The following GRID2 variants were observed in gnomAD, a reference collection of about 807,000 sequenced individuals.
The protein encoded by GRID2 is glutamate ionotropic receptor delta type subunit 2.
In GRID2, 33 loss-of-function variants were observed where a neutral mutation model predicts 114.8. The observed-to-expected ratio is 0.29, with a 90% confidence interval of 0.22 to 0.38. GRID2 has a LOEUF of 0.38. Ranked by LOEUF, GRID2 falls within the 10% of genes least tolerant of loss-of-function variation. The probability of loss-of-function intolerance (pLI) is 1.00; values close to 1 mark genes in which losing one functional copy is unlikely to be tolerated. For synonymous variants in GRID2, 505 were observed against 449.9 expected (o/e 1.12, Z -1.55); for missense variants, 1,184 against 1,257.7 (o/e 0.94, Z 0.89).
intron 2 of GRID2, among the ~76,000 whole-genome samples, chr4:92,645,329 T>C (rs748040897): frequency 2.0e-5 from 3 of 151,892 alleles, no homozygotes; most frequent in South Asian, 2.1e-4. Flanking sequence ...ATCACTGCAA[T>C]GGTGTTTAAC....
In GRID2 at chr4:92,409,450, G is replaced by C. The variant is rs555575985; in HGVS notation, c.88+104706G>C. ...TGTGGATAGAGTATTTCATTTTTAA[G>C]TATTTATTACTTTCTGATAGATTAT... On this transcript the variant is annotated intron_variant, in intron 1 of 15. Coordinates refer to ENST00000282020, the MANE Select transcript of GRID2 (RefSeq NM_001510.4). Among the ~76,000 whole-genome samples the C allele has an allele frequency of 1.1e-4, 17 of 152,192 alleles. No homozygotes were observed. The South Asian group carries it at 1.5e-3, about 13-fold the overall frequency.
At chr4:93,777,996 G>T (rs1471043441), downstream of GRID2, among the ~76,000 whole-genome samples, 17 of 152,168 alleles carry the variant, frequency 1.1e-4, no homozygotes, top group East Asian at 2.1e-3. Flanking sequence ...TATATGCAAA[G>T]ATAACCCATA....
chr4:93,235,337 C>G (rs1561022942), intron 7 of GRID2, among the ~76,000 whole-genome samples: 1 of 152,080 alleles, frequency 6.6e-6, no homozygotes, highest in African/African-American at 2.4e-5. Flanking sequence ...ATTCATACTA[C>G]CAATGTCCCA....
chr4:93,652,669 C>T (rs929679093), intron 14 of GRID2, among the ~76,000 whole-genome samples: 9 of 151,232 alleles, frequency 6.0e-5, no homozygotes, highest in African/African-American at 1.9e-4. Flanking sequence ...ACATCCTTGT[C>T]GTTAAGCAGC....
chr4:92,874,382 A>G (rs1046729301), intron 2 of GRID2, among the ~76,000 whole-genome samples: 5 of 152,208 alleles, frequency 3.3e-5, no homozygotes, highest in Non-Finnish European at 7.3e-5. Context: ...TTCGGATAGC[A>G]TCCTACTCAT....
chr4:93,478,076 A>G (rs1273299164), intron 11 of GRID2, among the ~76,000 whole-genome samples: 1 of 152,084 alleles, frequency 6.6e-6, no homozygotes, highest in Admixed American at 6.6e-5. Flanking sequence ...GAAACCTGAA[A>G]TCTGTGATTG....
At chr4:93,748,516 T>C (rs968005664) in intron 14 of GRID2, among the ~76,000 whole-genome samples, 2 of 152,202 alleles carry the variant, frequency 1.3e-5, no homozygotes, top group Non-Finnish European at 2.9e-5. Flanking sequence ...TTGTAATTAG[T>C]TGAAACTTGT....
At chr4:92,667,479 TTTTAA>T (rs79446488) in intron 2 of GRID2, among the ~76,000 whole-genome samples, 9,202 of 151,686 alleles carry the variant, frequency 0.061, 329 homozygotes, top group East Asian at 0.16. Flanking sequence ...TACACATTAT[TTTTAA>T]TTTAAAGATA....
At chr4:92,910,340 A>G (rs1018266050) in intron 2 of GRID2, among the ~76,000 whole-genome samples, 6 of 152,106 alleles carry the variant, frequency 3.9e-5, no homozygotes, top group South Asian at 2.1e-4. Context: ...TGAGGTGCCA[A>G]TTACTTCAGT....
intron 6 of GRID2, among the ~76,000 whole-genome samples, chr4:93,217,459 C>T (rs976505295): frequency 6.6e-6 from 1 of 152,042 alleles, no homozygotes; most frequent in African/African-American, 2.4e-5. Context: ...CTCTGAACAG[C>T]GAAACAGAGA....
At chr4:92,465,794 T>C (rs1721722841) in intron 1 of GRID2, among the ~76,000 whole-genome samples, 1 of 151,980 alleles carries the variant, frequency 6.6e-6, no homozygotes, top group Non-Finnish European at 1.5e-5. Flanking sequence ...AGTTCAATTT[T>C]CTACCCATTT....
At chr4:93,254,128 T>C (rs1432164087) in intron 8 of GRID2, among the ~76,000 whole-genome samples, 1 of 152,078 alleles carries the variant, frequency 6.6e-6, no homozygotes, top group African/African-American at 2.4e-5. Flanking sequence ...GTAATTAGAG[T>C]CACTTTTATT....
chr4:92,636,656 A>G (rs1305621681), intron 2 of GRID2, among the ~76,000 whole-genome samples: 1 of 151,986 alleles, frequency 6.6e-6, no homozygotes, highest in East Asian at 1.9e-4. Context: ...ATACTGTGAA[A>G]TGGTGACATG....
intron 1 of GRID2, among the ~76,000 whole-genome samples, chr4:92,418,233 C>T (rs779227151): frequency 3.9e-5 from 6 of 152,098 alleles, no homozygotes; most frequent in Non-Finnish European, 7.4e-5. Flanking sequence ...CATGTCCCCA[C>T]ACTCTATGGC....
rs2053356 is a variant in GRID2, at chr4:93,667,276, G to T, written c.2360+40841G>T. Among the ~76,000 whole-genome samples, 83 of 152,076 alleles carry T rather than the reference G, an allele frequency of 5.5e-4. 1 individual carries two copies. The East Asian group carries it at 0.016, about 29-fold the overall frequency. On this transcript the variant is annotated intron_variant, in intron 14 of 15. Coordinates refer to ENST00000282020, the MANE Select transcript of GRID2 (RefSeq NM_001510.4). ...TTTGAAAGAAATGGTGTGCTTAAATGGGGTGATTTTAAAGGACAAAGACAG... is the reference window on the plus strand; with the variant it reads ...TTTGAAAGAAATGGTGTGCTTAAATTGGGTGATTTTAAAGGACAAAGACAG...
chr4:93,061,196 GTTTT>G (rs752045329), intron 2 of GRID2, among the ~76,000 whole-genome samples: 1 of 112,758 alleles, frequency 8.9e-6, no homozygotes, highest in African/African-American at 3.1e-5. Context: ...GGTTTTTCTT[GTTTT>G]TTTTTTTTTT....
At chr4:92,899,146 C>T (rs974271107) in intron 2 of GRID2, among the ~76,000 whole-genome samples, 7 of 151,988 alleles carry the variant, frequency 4.6e-5, no homozygotes, top group Non-Finnish European at 1.0e-4. Flanking sequence ...GTTAAATGGT[C>T]AAACACGTTA....
chr4:93,316,299 A>C (rs56395918), intron 8 of GRID2, among the ~76,000 whole-genome samples: 62,834 of 120,572 alleles, frequency 0.52, 14,843 homozygotes, highest in East Asian at 0.64. Flanking sequence ...AACGAAAGAA[A>C]GAAAGAAAGA....
intron 2 of GRID2, among the ~76,000 whole-genome samples, chr4:92,635,933 C>T (rs577232834): frequency 6.6e-6 from 1 of 151,884 alleles, no homozygotes; most frequent in Non-Finnish European, 1.5e-5. Flanking sequence ...TGATGAGCAC[C>T]TTCTGTTTTC....
Sources: gnomAD v4.1 joint callset for allele counts (sites outside exome capture counted in the v4.1 genomes callset) on GRCh38, gnomAD v4.1.1 for gene constraint, MANE v1.5 for transcripts, NCBI Gene and HGNC (gene_info 2026-07-23, HGNC 2026-07-21) for gene names.